Variants in MGAT4C observed in about 807,000 individuals in gnomAD.
MGAT4C encodes alpha-1,3-mannosyl-glycoprotein 4-beta-N-acetylglucosaminyltransferase C.
In MGAT4C, 19 loss-of-function variants were observed where a neutral mutation model predicts 40.1. The observed-to-expected ratio is 0.47, with a 90% CI of 0.33 to 0.70. The LOEUF (loss-of-function observed/expected upper bound fraction) is 0.70, where lower values mean the gene tolerates loss of function less well. Ranked by LOEUF, MGAT4C falls within the 30% of genes least tolerant of loss-of-function variation. The pLI is 0.02. For synonymous variants in MGAT4C, 181 were observed against 187.1 expected, an observed-to-expected ratio of 0.97 and a Z score of 0.27; for missense variants, 491 against 563.2, an observed-to-expected ratio of 0.87 and a Z score of 1.30.
At chr12:86,548,696 T>C (rs1959221635) in intron 2 of MGAT4C, among the ~76,000 whole-genome samples, 1 of 152,124 alleles carries the variant, frequency 6.6e-6, no homozygotes, top group Non-Finnish European at 1.5e-5. Context: ...TTTTCATTAT[T>C]GAGTGTGTGA....
chr12:86,108,435 A>G (rs1489648477), intron 1 of MGAT4C, among the ~76,000 whole-genome samples: 1 of 152,028 alleles, frequency 6.6e-6, no homozygotes, highest in African/African-American at 2.4e-5. Context: ...CTTTTTCTAG[A>G]AGCTAAACAA....
At chr12:86,230,205 T>G (rs531990951) in intron 1 of MGAT4C, among the ~76,000 whole-genome samples, 1 of 152,086 alleles carries the variant, frequency 6.6e-6, no homozygotes, top group African/African-American at 2.4e-5. Flanking sequence ...AAAGTAGTTG[T>G]TTTCCTCTAT....
chr12:86,222,894 A>G (rs1950936492), intron 1 of MGAT4C, among the ~76,000 whole-genome samples: 1 of 152,182 alleles, frequency 6.6e-6, no homozygotes. Context: ...ATGTGAGGTA[A>G]TGGCAAAAGA....
chr12:86,480,136 T>A (rs1041942260), intron 2 of MGAT4C, among the ~76,000 whole-genome samples: 1 of 151,780 alleles, frequency 6.6e-6, no homozygotes, highest in Non-Finnish European at 1.5e-5. Flanking sequence ...ATTATTTTTA[T>A]TTTCTATAAA....
intron 3 of MGAT4C, among the ~76,000 whole-genome samples, chr12:86,410,596 G>T (rs1956584831): frequency 6.6e-6 from 1 of 151,734 alleles, no homozygotes; most frequent in South Asian, 2.1e-4. Flanking sequence ...AAACACACAT[G>T]TTTTACAATC....
chr12:86,352,884 G>C (rs1955200792), intron 3 of MGAT4C, among the ~76,000 whole-genome samples: 1 of 151,614 alleles, frequency 6.6e-6, no homozygotes. Flanking sequence ...GGGGAAGGGG[G>C]GAGGGGTAGC....
At chr12:86,157,190 T>A (rs1195483079) in intron 1 of MGAT4C, among the ~76,000 whole-genome samples, 1 of 152,134 alleles carries the variant, frequency 6.6e-6, no homozygotes, top group African/African-American at 2.4e-5. Flanking sequence ...TAATTTTTTT[T>A]AACGGAAAGT....
chr12:86,135,823 T>C (rs1247794612), intron 1 of MGAT4C, among the ~76,000 whole-genome samples: 2 of 152,196 alleles, frequency 1.3e-5, no homozygotes, highest in Non-Finnish European at 2.9e-5. Context: ...CAGATTAAGG[T>C]GATCAATAAC....
intron 3 of MGAT4C, among the ~76,000 whole-genome samples, chr12:86,393,310 T>A (rs977255083): frequency 3.3e-5 from 5 of 152,146 alleles, no homozygotes; most frequent in Admixed American, 1.3e-4. Flanking sequence ...ACTTTCTTAA[T>A]TACAGCATGT....
intron 2 of MGAT4C, among the ~76,000 whole-genome samples, chr12:86,005,529 T>A (rs1004136298): frequency 6.6e-6 from 1 of 152,126 alleles, no homozygotes; most frequent in Non-Finnish European, 1.5e-5. Context: ...GGCCCAATAA[T>A]AATTGGCTTC....
chr12:86,366,735 T>C (rs945052727), intron 3 of MGAT4C, among the ~76,000 whole-genome samples: 3 of 152,178 alleles, frequency 2.0e-5, no homozygotes, highest in African/African-American at 7.2e-5. Context: ...GTTGAAATTT[T>C]TGTTTAAAAA....
At chr12:86,035,267 A>G (rs2136918345) in intron 2 of MGAT4C, among the ~76,000 whole-genome samples, 1 of 150,272 alleles carries the variant, frequency 6.7e-6, no homozygotes. Context: ...CACCATTCTT[A>G]CTAGCATGAA....
chr12:86,105,391 A>G (rs990192459), intron 1 of MGAT4C, among the ~76,000 whole-genome samples: 1 of 152,152 alleles, frequency 6.6e-6, no homozygotes, highest in Non-Finnish European at 1.5e-5. Flanking sequence ...TTATAGGAAA[A>G]GAATTACATG....
At chr12:86,086,685 A>G (rs1871912841) in intron 1 of MGAT4C, among the ~76,000 whole-genome samples, 1 of 152,048 alleles carries the variant, frequency 6.6e-6, no homozygotes. Flanking sequence ...GAACATTCCA[A>G]TTCCACTCTT....
intron 1 of MGAT4C, among the ~76,000 whole-genome samples, chr12:86,234,490 C>T (rs7302169): frequency 0.23 from 35,135 of 151,984 alleles, 4,278 homozygotes; most frequent in East Asian, 0.37. Context: ...CAGCATGCTG[C>T]TGTGGTTTGA....
At chr12:86,727,479 T>C (rs2136116103) in intron 1 of MGAT4C, among the ~76,000 whole-genome samples, 1 of 152,158 alleles carries the variant, frequency 6.6e-6, no homozygotes, top group South Asian at 2.1e-4. Flanking sequence ...ATCCAGGAAA[T>C]GTTCTCAGAT....
intron 1 of MGAT4C, among the ~76,000 whole-genome samples, chr12:86,233,861 A>G (rs1592530830): frequency 2.6e-5 from 4 of 152,110 alleles, no homozygotes; most frequent in Admixed American, 2.0e-4. Flanking sequence ...TCAGTTAAAG[A>G]CAGCTCAGCT....
chr12:85,974,984 T>C lies in MGAT4C; in HGVS notation c.*4305A>G, dbSNP rs1024003277. On this transcript the variant is annotated 3_prime_UTR_variant, in exon 5 of 5. Coordinates refer to ENST00000611864, the MANE Select transcript of MGAT4C (RefSeq NM_001351288.2). ...GAAGACTGCATTTCTGAGCTTAAGG[T>C]AGATTCTAAACAACATCTTAGAAAC... 2 of 150,450 alleles carry C rather than the reference T, an allele frequency of 1.3e-5. No individual in the cohort carries two copies. The highest frequency in any genetic ancestry group is 3.0e-5 in the Non-Finnish European group (2 of 66,954). The allele number at this position is 150,450 out of a possible 1,614,324, so 9.3% of individuals were successfully genotyped here.
chr12:86,352,001 T>C (rs1463748732), intron 3 of MGAT4C, among the ~76,000 whole-genome samples: 1 of 152,016 alleles, frequency 6.6e-6, no homozygotes, highest in Non-Finnish European at 1.5e-5. Context: ...GCAAAAATTA[T>C]GGGAAAAATA....
Sources: gnomAD v4.1 joint callset for allele counts (sites outside exome capture counted in the v4.1 genomes callset) on GRCh38, gnomAD v4.1.1 for gene constraint, MANE v1.5 for transcripts, NCBI Gene and HGNC (gene_info 2026-07-23, HGNC 2026-07-21) for gene names.